Variants in CPLANE1 observed in about 807,000 individuals in gnomAD.
The protein encoded by CPLANE1 is ciliogenesis and planar polarity effector complex subunit 1.
Under a neutral mutation model 362.5 loss-of-function variants are expected in CPLANE1, and 263 were observed. The observed-to-expected ratio is 0.73, with a 90% CI of 0.66 to 0.80. The LOEUF is 0.80. CPLANE1 is among the 30% of genes least tolerant of loss of function. The pLI is 0.00. For missense variants in CPLANE1, 3,461 were observed against 3,793.4 expected (o/e 0.91, Z 2.30); for synonymous variants, 1,212 against 1,302.6 (o/e 0.93, Z 1.50).
At chr5:37,134,950 T>A (rs1266481254) in intron 46 of CPLANE1, among the ~76,000 whole-genome samples, 2 of 152,004 alleles carry the variant, frequency 1.3e-5, no homozygotes, top group Non-Finnish European at 2.9e-5. Context: ...TGTGCCACCA[T>A]GCCCAGCTAA....
rs774297305 is a variant in CPLANE1 at position 37,108,406 on chromosome 5, G to C, written c.9466C>G (p.Gln3156Glu). The C allele has an allele frequency of 1.2e-6, 2 of 1,614,180 alleles. No individual in the cohort carries two copies. Among genetic ancestry groups the C allele is most frequent in the Non-Finnish European group, 1.7e-6 (2 of 1,180,024 alleles). ...TACTCTACACACACCTGCTTGGTTT[G>C]AGGTGCAAGCCCAGCACTTCCATGT... Reference protein sequence around the residue: ...KKHGSAGLAPQTKQVCVEYER... With the variant: ...KKHGSAGLAPETKQVCVEYER... The change falls in exon 52 of 53, where the codon CAA (glutamine) becomes GAA (glutamate). Residue 3156 changes from glutamine to glutamate, a missense_variant. Transcript: ENST00000651892.
At chr5:37,184,378 A>G (rs926595507) in intron 25 of CPLANE1, among the ~76,000 whole-genome samples, 2 of 151,954 alleles carry the variant, frequency 1.3e-5, no homozygotes, top group African/African-American at 4.8e-5. Flanking sequence ...GATTGAGGCA[A>G]TTTCCTTCCC....
Position 37,245,609 on chromosome 5 carries a change from A to C in CPLANE1, c.218-11T>G, listed in dbSNP as rs1158546712. The C allele has an allele frequency of 2.5e-5, 37 of 1,506,342 alleles. No individual in the cohort carries two copies. The highest frequency in any genetic ancestry group is 3.2e-5 in the Non-Finnish European group (36 of 1,127,838). 93.3% of individuals were successfully genotyped at this position (1,506,342 alleles called of 1,614,324 possible). A position where few individuals can be genotyped will look rare whatever the true frequency, so the allele number is the denominator to read the frequency against. Reference sequence around the variant, plus strand: ...CAGCCAGCCAGGCATCTGTTTCCAAAAATGAAATGCAATACTTACAATCTA... The same window carrying C: ...CAGCCAGCCAGGCATCTGTTTCCAACAATGAAATGCAATACTTACAATCTA... On this transcript the variant is annotated splice_polypyrimidine_tract_variant and intron_variant, in intron 3 of 52. Transcript: ENST00000651892.
chr5:37,183,349 T>G lies in CPLANE1; in HGVS notation c.4832A>C (p.Asn1611Thr). The change falls in exon 26 of 53, where the codon AAT becomes ACT. Residue 1611 changes from asparagine (N) to threonine (T), a missense_variant. Transcript: ENST00000651892. The part of the protein sequence containing the change: ...KRHQSKTKSQ[N>T]VFRAGSCFVV... ...AAAGCAAGAACCAGCTCTAAACACA[T>G]TCTGGCTTTTAGTTTTGCTCTGATG... is the stretch of plus-strand genomic sequence containing the variant. 1 of 1,612,584 alleles carries G rather than the reference T, an allele frequency of 6.2e-7. No homozygotes were observed. The highest frequency in any genetic ancestry group is 8.5e-7 in the Non-Finnish European group (1 of 1,179,614).
chr5:37,176,097 T>C lies in CPLANE1; in HGVS notation c.5901-111A>G, dbSNP rs1043457140. 1.0e-5 allele frequency: 7 copies of C among 696,700 alleles called. No individual in the cohort carries two copies. The South Asian group carries it at 1.4e-4, about 14-fold the overall frequency. 43.2% of individuals were successfully genotyped at this position (696,700 alleles called of 1,614,324 possible). A position where few individuals can be genotyped will look rare whatever the true frequency, so the allele number is the denominator to read the frequency against. ...AGAGTCTAAACATCCTCTAATCTTC[T>C]ATAATGTTTAGCTCATAATTACAAT... On this transcript the variant is annotated intron_variant, in intron 30 of 52. Transcript: ENST00000651892.
At chr5:37,235,053 TA>T (rs1422926231) in intron 8 of CPLANE1, among the ~76,000 whole-genome samples, 1 of 152,114 alleles carries the variant, frequency 6.6e-6, no homozygotes, top group Admixed American at 6.5e-5. Context: ...TCACTGACAA[TA>T]TAATCTTATA....
At chr5:37,224,462 T>C in intron 13 of CPLANE1, 70 bp downstream of exon 13, 2 of 1,324,274 alleles carry the variant, frequency 1.5e-6, no homozygotes, top group East Asian at 2.5e-5. Flanking sequence ...TTACAACCAA[T>C]TAGAAATTCA....
intron 6 of CPLANE1, among the ~76,000 whole-genome samples, chr5:37,241,201 C>T (rs1018115978): frequency 1.5e-4 from 23 of 152,020 alleles, no homozygotes; most frequent in African/African-American, 4.8e-4. Context: ...TGCCTGTAAT[C>T]CCAGCACTTT....
At chr5:37,245,662 A>T (rs766801164) in intron 3 of CPLANE1, 48 bp downstream of exon 3, 9 of 1,476,290 alleles carry the variant, frequency 6.1e-6, no homozygotes, top group Non-Finnish European at 7.2e-6. Context: ...ACCCTAAGTT[A>T]TTAAAAAATA....
At position 37,183,095 on chromosome 5, in the gene CPLANE1, A is replaced by G; in HGVS notation, c.5086T>C (p.Cys1696Arg). ...TGGTTTGATGATCTCTGGATTAGAC[A>G]TTTCTCTCTAGTGTCATCTTGTATT... ...YKIQDDTREK[C>R]LIQRSSNHIF... Residue 1696 changes from cysteine to arginine, a missense_variant, in exon 26 of 53, where the codon TGT (cysteine) becomes CGT (arginine). Physicochemically the swap from Cys to Arg is radical, Grantham distance 180. Around this residue, in one of 2 missense-constraint regions of CPLANE1, gnomAD observed 3,380 missense variants for 3,666.1 expected, o/e 0.92. Transcript: ENST00000651892. The G allele has an allele frequency of 1.2e-6, 2 of 1,613,346 alleles. No homozygotes were observed. Among genetic ancestry groups the G allele is most frequent in the Non-Finnish European group, 1.7e-6 (2 of 1,179,856 alleles).
At chr5:37,138,140 T>C (rs1768356119) in intron 46 of CPLANE1, among the ~76,000 whole-genome samples, 1 of 152,166 alleles carries the variant, frequency 6.6e-6, no homozygotes, top group South Asian at 2.1e-4. Context: ...ATTGGGGTGT[T>C]GAAGTCCCCC....
At chr5:37,212,950 C>T (rs993304907) in intron 16 of CPLANE1, among the ~76,000 whole-genome samples, 2 of 152,186 alleles carry the variant, frequency 1.3e-5, no homozygotes, top group African/African-American at 2.4e-5. Flanking sequence ...ACGTGGCGCA[C>T]GCCTATAATC....
chr5:37,215,702 A>AATTTC (rs1793856073), intron 15 of CPLANE1, among the ~76,000 whole-genome samples: 1 of 147,264 alleles, frequency 6.8e-6, no homozygotes, highest in Non-Finnish European at 1.5e-5. Flanking sequence ...GCAAGCTTAG[A>AATTTC]ATTTCATTAT....
chr5:37,227,614 G>T lies in CPLANE1; in HGVS notation c.1325C>A (p.Ser442Ter). ...SVHMRSLLLD[S>*]TQRLEKIYQS... The stretch of plus-strand genomic sequence containing the variant: ...ATATATTTTCTCAAGCCTCTGGGTT[G>T]AATCAAGTAGAAGTGATCTCATGTG... The change falls in exon 10 of 53, where the codon TCA becomes TAA. Residue 442 changes from serine (S) to a stop codon, truncating the protein, a stop_gained. Transcript: ENST00000651892. LOFTEE classifies it high-confidence loss of function. The T allele has an allele frequency of 1.3e-6, 2 of 1,551,470 alleles. No homozygotes were observed. Among genetic ancestry groups the T allele is most frequent in the South Asian group, 2.4e-5 (2 of 84,020 alleles).
At chr5:37,220,757 G>A (rs1421363516) in intron 15 of CPLANE1, among the ~76,000 whole-genome samples, 1 of 152,170 alleles carries the variant, frequency 6.6e-6, no homozygotes, top group African/African-American at 2.4e-5. Context: ...CTGACCTTGT[G>A]ATCCACCTGC....
chr5:37,082,382 T>C, the CPLANE1 span, among the ~76,000 whole-genome samples: 6,282 of 152,008 alleles, frequency 0.041, 437 homozygotes, highest in African/African-American at 0.14. Flanking sequence ...CCAAGGCAAA[T>C]CTAAGCAAAA....
At chr5:37,118,884 T>C in intron 50 of CPLANE1, among the ~76,000 whole-genome samples, 1 of 152,036 alleles carries the variant, frequency 6.6e-6, no homozygotes, top group Middle Eastern at 3.2e-3. Context: ...CAGCTAATTT[T>C]AGTATTTTCA....
downstream of CPLANE1, among the ~76,000 whole-genome samples, chr5:37,105,563 G>C (rs1226562906): frequency 1.3e-5 from 2 of 152,148 alleles, no homozygotes; most frequent in Non-Finnish European, 2.9e-5. Context: ...GAAACTACTT[G>C]AAAGAAACAT....
At chr5:37,201,943 A>T in intron 18 of CPLANE1, 135 bp from the exon 19 acceptor site, 1 of 614,770 alleles carries the variant, frequency 1.6e-6, no homozygotes, top group Non-Finnish European at 2.8e-6. Flanking sequence ...AAACATCCAA[A>T]CTTACAGACA....
Sources: allele counts gnomAD v4.1 joint callset (sites outside exome capture counted in the v4.1 genomes callset), GRCh38; gene constraint gnomAD v4.1.1; regional missense constraint gnomAD v4.1.1; transcripts MANE v1.5; gene names NCBI Gene and HGNC (gene_info 2026-07-23, HGNC 2026-07-21).